The following UBASH3B variants were observed in gnomAD, a reference collection of about 807,000 sequenced individuals.
UBASH3B encodes the protein ubiquitin associated and SH3 domain containing B.
A neutral mutation model predicts 83.4 loss-of-function variants in UBASH3B; 37 were observed. That is an observed-to-expected ratio of 0.44 (90% CI 0.34 to 0.58). UBASH3B has a LOEUF of 0.58. UBASH3B is among the 20% of genes least tolerant of loss of function. UBASH3B has a pLI of 0.01. For synonymous variants in UBASH3B, 304 were observed against 318.3 expected, an observed-to-expected ratio of 0.96 and a Z score of 0.48; for missense variants, 657 against 827.2, an observed-to-expected ratio of 0.79 and a Z score of 2.52.
chr11:122,682,587 T>C (rs1863756361), intron 1 of UBASH3B, among the ~76,000 whole-genome samples: 1 of 152,220 alleles, frequency 6.6e-6, no homozygotes, highest in Non-Finnish European at 1.5e-5. Flanking sequence ...CGTCTCTTTC[T>C]AACCGAGAGC....
At chr11:122,679,482 A>C (rs1863711104) in intron 1 of UBASH3B, among the ~76,000 whole-genome samples, 1 of 152,190 alleles carries the variant, frequency 6.6e-6, no homozygotes, top group Non-Finnish European at 1.5e-5. Flanking sequence ...AGCTTGTTAG[A>C]AACATAGAAT....
intron 1 of UBASH3B, among the ~76,000 whole-genome samples, chr11:122,774,759 G>C (rs769666597): frequency 6.6e-6 from 1 of 152,182 alleles, no homozygotes; most frequent in Admixed American, 6.5e-5. Flanking sequence ...TGATAGGTCA[G>C]ACACTGTCCA....
chr11:122,694,853 C>T (rs1416296426), intron 1 of UBASH3B, among the ~76,000 whole-genome samples: 1 of 151,674 alleles, frequency 6.6e-6, no homozygotes, highest in Non-Finnish European at 1.5e-5. Flanking sequence ...TAGCATAGAA[C>T]ACTTAGCCTG....
At chr11:122,690,180 A>ATATATATATATATATATCCAAT (rs1863866609) in intron 1 of UBASH3B, among the ~76,000 whole-genome samples, 1 of 29,848 alleles carries the variant, frequency 3.4e-5, no homozygotes, top group African/African-American at 9.0e-5. Context: ...ATATATATAT[A>ATATATATATATATATATCCAAT]TATATATATA....
chr11:122,711,527 G>A (rs1424947697), intron 1 of UBASH3B, among the ~76,000 whole-genome samples: 1 of 152,208 alleles, frequency 6.6e-6, no homozygotes, highest in Non-Finnish European at 1.5e-5. Context: ...CCGGGCACTG[G>A]CAGCCTTTAA....
At chr11:122,784,725 T>C (rs567498313) in intron 5 of UBASH3B, among the ~76,000 whole-genome samples, 1 of 152,234 alleles carries the variant, frequency 6.6e-6, no homozygotes, top group African/African-American at 2.4e-5. Flanking sequence ...GTTTTGGAAG[T>C]GGTAGAAGAG....
At chr11:122,750,214 C>A (rs1861178709) in intron 1 of UBASH3B, among the ~76,000 whole-genome samples, 1 of 152,356 alleles carries the variant, frequency 6.6e-6, no homozygotes, top group East Asian at 1.9e-4. Flanking sequence ...AGGGGAACGG[C>A]TCATCACCAC....
intron 11 of UBASH3B, among the ~76,000 whole-genome samples, chr11:122,803,856 G>A (rs1379020970): frequency 6.6e-6 from 1 of 152,046 alleles, no homozygotes; most frequent in East Asian, 1.9e-4. Flanking sequence ...GAGTGGGTGG[G>A]GGGAAGGCCA....
chr11:122,731,024 G>C (rs1446330642), intron 1 of UBASH3B, among the ~76,000 whole-genome samples: 2 of 152,200 alleles, frequency 1.3e-5, no homozygotes, highest in East Asian at 3.9e-4. Flanking sequence ...AGTCTCTACA[G>C]TGTGATTTTC....
chr11:122,724,731 G>A (rs1775049118), intron 1 of UBASH3B, among the ~76,000 whole-genome samples: 1 of 152,084 alleles, frequency 6.6e-6, no homozygotes, highest in Non-Finnish European at 1.5e-5. Context: ...GGGCCACAGA[G>A]GCATGACAAC....
chr11:122,782,880 G>T, intron 4 of UBASH3B, 173 bp from the exon 5 acceptor site: 2 of 721,622 alleles, frequency 2.8e-6, no homozygotes, highest in East Asian at 2.7e-5. Flanking sequence ...GGAATCTCTT[G>T]CCATCCCCTT....
intron 1 of UBASH3B, among the ~76,000 whole-genome samples, chr11:122,762,842 AT>A (rs1320065029): frequency 6.6e-6 from 1 of 152,228 alleles, no homozygotes; most frequent in African/African-American, 2.4e-5. Flanking sequence ...AAATATTTCT[AT>A]TAGCATGGAA....
At chr11:122,715,916 T>C (rs1860517869) in intron 1 of UBASH3B, among the ~76,000 whole-genome samples, 2 of 152,238 alleles carry the variant, frequency 1.3e-5, no homozygotes, top group Non-Finnish European at 2.9e-5. Context: ...ACCCCTTGAA[T>C]TGTAGTCAAA....
intron 1 of UBASH3B, among the ~76,000 whole-genome samples, chr11:122,745,882 A>G (rs1861109936): frequency 6.6e-6 from 1 of 152,208 alleles, no homozygotes; most frequent in African/African-American, 2.4e-5. Flanking sequence ...CATGCTTTAA[A>G]TGACTGGGGG....
At chr11:122,746,789 G>A (rs977918951) in intron 1 of UBASH3B, among the ~76,000 whole-genome samples, 4 of 152,166 alleles carry the variant, frequency 2.6e-5, no homozygotes, top group Non-Finnish European at 5.9e-5. Context: ...AAGGCACCAA[G>A]TTAAACAGAT....
chr11:122,780,511 A>T (rs1218770243), intron 4 of UBASH3B, among the ~76,000 whole-genome samples: 1 of 152,210 alleles, frequency 6.6e-6, no homozygotes, highest in Non-Finnish European at 1.5e-5. Context: ...TGAAATCACA[A>T]TTGGCAGGTA....
chr11:122,656,362 A>T, intron 1 of UBASH3B, 152 bp downstream of exon 1: 1 of 780,826 alleles, frequency 1.3e-6, no homozygotes, highest in African/African-American at 1.8e-5. Flanking sequence ...CGCGCTGGCA[A>T]CCCGGGACTC....
intron 1 of UBASH3B, among the ~76,000 whole-genome samples, chr11:122,665,930 G>A (rs1400414605): frequency 1.3e-5 from 2 of 152,164 alleles, no homozygotes; most frequent in African/African-American, 4.8e-5. Flanking sequence ...AGCTGTTTGG[G>A]TGACACTTCC....
intron 1 of UBASH3B, among the ~76,000 whole-genome samples, chr11:122,722,854 C>T (rs574238541): frequency 1.3e-5 from 2 of 152,124 alleles, no homozygotes; most frequent in East Asian, 3.9e-4. Context: ...TACAGGTGCC[C>T]GCAACCATGC....
Sources: gnomAD v4.1 joint callset for allele counts (sites outside exome capture counted in the v4.1 genomes callset) on GRCh38, gnomAD v4.1.1 for gene constraint, MANE v1.5 for transcripts, NCBI Gene and HGNC (gene_info 2026-07-23, HGNC 2026-07-21) for gene names.